The following MTARC2 variants were observed in gnomAD, a reference collection of about 807,000 sequenced individuals.
MTARC2 encodes the protein mitochondrial amidoxime reducing component 2.
In MTARC2, 27 loss-of-function variants were observed where a neutral mutation model predicts 35.6. The observed-to-expected ratio is 0.76, with a 90% CI of 0.56 to 1.04. The LOEUF (loss-of-function observed/expected upper bound fraction) is 1.04. Ranked by LOEUF, MTARC2 falls within the 50% of genes least tolerant of loss-of-function variation. MTARC2 has a pLI of 0.00. For missense variants in MTARC2, 412 were observed against 432.5 expected (o/e 0.95, Z 0.42); for synonymous variants, 158 against 167.1 (o/e 0.95, Z 0.42).
At chr1:220,770,440 T>C (rs1671712112) in intron 4 of MTARC2, 1 of 985,306 alleles carries the variant, frequency 1.0e-6, no homozygotes, top group African/African-American at 1.7e-5. Flanking sequence ...CGAGTGAGTG[T>C]GATACGTGAA....
At chr1:220,753,726 G>A (rs771547848) in intron 1 of MTARC2, among the ~76,000 whole-genome samples, 5 of 152,108 alleles carry the variant, frequency 3.3e-5, no homozygotes, top group African/African-American at 4.8e-5. Context: ...TTCCTCACCC[G>A]CTAGTCTGCA....
At chr1:220,762,056 G>A (rs1671452806) in intron 3 of MTARC2, among the ~76,000 whole-genome samples, 1 of 152,202 alleles carries the variant, frequency 6.6e-6, no homozygotes, top group African/African-American at 2.4e-5. Flanking sequence ...TTGAATATGG[G>A]AGATATTGTG....
intron 4 of MTARC2, 35 bp downstream of exon 4, chr1:220,763,085 G>T (rs1428932518): frequency 6.2e-7 from 1 of 1,614,112 alleles, no homozygotes; most frequent in Admixed American, 1.7e-5. Flanking sequence ...ATCATGCTCA[G>T]ATGTGCTGCT....
chr1:220,782,047 T>C, intron 7 of MTARC2, 115 bp downstream of exon 7: 2 of 928,838 alleles, frequency 2.2e-6, no homozygotes, highest in African/African-American at 1.7e-5. Context: ...AACAGTTTTA[T>C]ATTCTGATCT....
rs1160685423 is a variant in MTARC2 at position 220,780,001 on chromosome 1, T to G, written c.751-17T>G. On this transcript the variant is annotated splice_polypyrimidine_tract_variant and intron_variant, in intron 4 of 7. Coordinates refer to ENST00000366913, the MANE Select transcript of MTARC2 (RefSeq NM_017898.5). ...ATGAAGCCACCATTTAAAAGATAAC[T>G]TTCTCTTTTCTCTTAGGATACCTGG... 1 of 1,521,066 alleles carries G rather than the reference T, an allele frequency of 6.6e-7. No homozygotes were observed. Among genetic ancestry groups the G allele is most frequent in the African/African-American group, 1.4e-5 (1 of 69,840 alleles). 94.2% of individuals were successfully genotyped at this position (1,521,066 alleles called of 1,614,324 possible).
At chr1:220,781,141 A>C (rs1213292466) in intron 6 of MTARC2, among the ~76,000 whole-genome samples, 1 of 152,070 alleles carries the variant, frequency 6.6e-6, no homozygotes, top group East Asian at 1.9e-4. Context: ...GATTGTTTCC[A>C]ATGGGTTTAG....
intron 4 of MTARC2, among the ~76,000 whole-genome samples, chr1:220,769,982 CTG>C (rs1245188038): frequency 7.0e-6 from 1 of 142,450 alleles, no homozygotes; most frequent in African/African-American, 2.7e-5. Flanking sequence ...TGGCGGGCGA[CTG>C]TAGCCCCAGC....
At position 220,781,951 on chromosome 1, in the gene MTARC2, T is replaced by C. The variant is rs1330703270; in HGVS notation, c.*31+19T>C. The C allele has an allele frequency of 2.6e-5, 41 of 1,589,870 alleles. No homozygotes were observed. The highest frequency in any genetic ancestry group is 3.3e-5 in the Non-Finnish European group (38 of 1,165,792). On this transcript the variant is annotated intron_variant, in intron 7 of 7. Transcript: ENST00000366913. ...TGATATGGTAAAGGGTCAGCTTTGC[T>C]TCTGAATACGCTGTCTTGAAGCCAT...
At chr1:220,759,124 C>G (rs953519832) in intron 2 of MTARC2, among the ~76,000 whole-genome samples, 1 of 152,068 alleles carries the variant, frequency 6.6e-6, no homozygotes, top group East Asian at 1.9e-4. Context: ...CTTAAAAACA[C>G]TTTTTTTGTT....
intron 1 of MTARC2, chr1:220,754,430 G>A (rs74663234): frequency 7.5e-4 from 340 of 456,310 alleles, no homozygotes; most frequent in African/African-American, 4.6e-3. Flanking sequence ...CCCGCATGCC[G>A]CGGCAAGTTA....
At chr1:220,774,805 A>G (rs897759228) in intron 4 of MTARC2, among the ~76,000 whole-genome samples, 1 of 152,146 alleles carries the variant, frequency 6.6e-6, no homozygotes, top group African/African-American at 2.4e-5. Context: ...CTTGGCCTCC[A>G]TTCTCACCTG....
intron 1 of MTARC2, among the ~76,000 whole-genome samples, chr1:220,752,416 G>A (rs529188740): frequency 6.6e-6 from 1 of 152,280 alleles, no homozygotes; most frequent in East Asian, 1.9e-4. Flanking sequence ...ATAGGGAATA[G>A]GGCCCAGCCC....
intron 4 of MTARC2, among the ~76,000 whole-genome samples, chr1:220,779,139 C>T (rs1338621509): frequency 6.6e-6 from 1 of 151,938 alleles, no homozygotes; most frequent in Non-Finnish European, 1.5e-5. Flanking sequence ...TTTTTGCCTC[C>T]CTACAATATA....
intron 2 of MTARC2, among the ~76,000 whole-genome samples, chr1:220,758,071 G>C (rs1390081788): frequency 6.6e-6 from 1 of 151,910 alleles, no homozygotes; most frequent in African/African-American, 2.4e-5. Context: ...TGTAACCTCT[G>C]CCTCCTGGGT....
chr1:220,775,476 T>C (rs1402430741), intron 4 of MTARC2, among the ~76,000 whole-genome samples: 1 of 152,232 alleles, frequency 6.6e-6, no homozygotes, highest in African/African-American at 2.4e-5. Context: ...ATTTTGTGTT[T>C]AGGGAAGACC....
chr1:220,761,613 A>G (rs773467508), intron 2 of MTARC2, 45 bp from the exon 3 acceptor site: 4 of 1,562,764 alleles, frequency 2.6e-6, no homozygotes, highest in Middle Eastern at 1.7e-4. Context: ...CCCTCAGTGT[A>G]TTGATATAAG....
intron 3 of MTARC2, 119 bp downstream of exon 3, chr1:220,761,939 T>C: frequency 1.0e-6 from 1 of 985,388 alleles, no homozygotes; most frequent in Non-Finnish European, 1.5e-6. Context: ...ATAATGGCCC[T>C]GGTGAGTGAT....
chr1:220,770,598 T>A (rs1221443306), intron 4 of MTARC2: 1 of 978,734 alleles, frequency 1.0e-6, no homozygotes, highest in African/African-American at 1.8e-5. Flanking sequence ...CCCCCATACC[T>A]TTCTCTCGCT....
At chr1:220,767,814 G>A (rs1671622506) in intron 4 of MTARC2, among the ~76,000 whole-genome samples, 1 of 152,212 alleles carries the variant, frequency 6.6e-6, no homozygotes, top group African/African-American at 2.4e-5. Context: ...GAACAGCTGT[G>A]GTTGGACTCT....
Sources: allele counts gnomAD v4.1 joint callset (sites outside exome capture counted in the v4.1 genomes callset), GRCh38; gene constraint gnomAD v4.1.1; transcripts MANE v1.5; gene names NCBI Gene and HGNC (gene_info 2026-07-23, HGNC 2026-07-21).